The following PDE4B variants were observed in gnomAD, a reference collection of about 807,000 sequenced individuals.
The protein encoded by PDE4B is 3',5'-cyclic-AMP phosphodiesterase 4B.
Under a neutral mutation model 82.2 loss-of-function variants are expected in PDE4B, and 20 were observed. The ratio of observed to expected loss-of-function variants is 0.24; its 90% CI spans 0.17 to 0.35. The LOEUF (loss-of-function observed/expected upper bound fraction) is 0.35. PDE4B is among the 10% of genes least tolerant of loss of function. PDE4B has a pLI of 1.00. For synonymous variants in PDE4B, 320 were observed against 318.9 expected, an observed-to-expected ratio of 1.00 and a Z score of -0.04; for missense variants, 655 against 907.2, an observed-to-expected ratio of 0.72 and a Z score of 3.57.
rs562215442 is a variant in PDE4B, at chr1:66,274,306, A to G, written c.634+8219A>G. ...CTCCCAAGTAGCTGGGATTACAGGTATGCGTCACAACACCCAGCTAATTTT... is the reference window on the plus strand; with the variant it reads ...CTCCCAAGTAGCTGGGATTACAGGTGTGCGTCACAACACCCAGCTAATTTT... On this transcript the variant is annotated intron_variant, in intron 7 of 16. Coordinates refer to ENST00000341517, the MANE Select transcript of PDE4B (RefSeq NM_002600.4). Among the ~76,000 whole-genome samples, 315 of 150,990 alleles carry G rather than the reference A, an allele frequency of 2.1e-3. 8 individuals carry two copies. The highest frequency in any genetic ancestry group is 2.6e-3 in the Non-Finnish European group (176 of 67,808).
In PDE4B at chr1:66,203,600, A is replaced by T. The variant is rs145329393; in HGVS notation, c.282-43860A>T. On this transcript the variant is annotated intron_variant, in intron 3 of 16. Transcript: ENST00000341517. The stretch of plus-strand genomic sequence containing the variant: ...CTTCTTGCTTCGTTTCATTCATTTC[A>T]TCTTCCATCACTGATACCCTTTCTT... Among the ~76,000 whole-genome samples, 5 of 151,760 alleles carry T rather than the reference A, an allele frequency of 3.3e-5. No homozygotes were observed. In the East Asian group the frequency reaches 9.7e-4, roughly 29 times the overall value.
At chr1:66,350,319 C>G (rs952633990) in intron 8 of PDE4B, among the ~76,000 whole-genome samples, 2 of 152,132 alleles carry the variant, frequency 1.3e-5, no homozygotes, top group East Asian at 3.9e-4. Context: ...TGGGCTCCTG[C>G]GTAGACGGCC....
intron 3 of PDE4B, among the ~76,000 whole-genome samples, chr1:65,990,778 C>T (rs369684944): frequency 6.6e-6 from 1 of 152,164 alleles, no homozygotes; most frequent in African/African-American, 2.4e-5. Context: ...CTTAAATTCT[C>T]TAGCTCTGTT....
At chr1:65,804,245 G>A (rs1645728537) in intron 1 of PDE4B, among the ~76,000 whole-genome samples, 1 of 152,148 alleles carries the variant, frequency 6.6e-6, no homozygotes, top group Admixed American at 6.6e-5. Context: ...TAAGTACAAG[G>A]AAGGAAGCTT....
Position 66,306,251 on chromosome 1 carries a change from T to C in PDE4B, c.635-26257T>C, listed in dbSNP as rs538432019. Among the ~76,000 whole-genome samples the C allele has an allele frequency of 5.9e-5, 9 of 152,244 alleles. No homozygotes were observed. In the South Asian group the frequency reaches 1.5e-3, roughly 25 times the overall value. On this transcript the variant is annotated intron_variant, in intron 7 of 16. Coordinates refer to ENST00000341517, the MANE Select transcript of PDE4B (RefSeq NM_002600.4). ...AAGGGATTTTATTTGTTGTCTTTATTTGATACCTTTGAAAACTTGTGGACG... is the reference window on the plus strand; with the variant it reads ...AAGGGATTTTATTTGTTGTCTTTATCTGATACCTTTGAAAACTTGTGGACG...
At chr1:66,242,554 G>A (rs567052713) in intron 3 of PDE4B, among the ~76,000 whole-genome samples, 2 of 152,180 alleles carry the variant, frequency 1.3e-5, no homozygotes, top group Admixed American at 6.5e-5. Flanking sequence ...CTAGGATGTT[G>A]CTTCATGAGT....
chr1:65,881,954 G>A (rs1169056438), intron 1 of PDE4B, among the ~76,000 whole-genome samples: 2 of 152,120 alleles, frequency 1.3e-5, no homozygotes, highest in African/African-American at 2.4e-5. Context: ...GTGCTTTCCT[G>A]AGAATTTGTT....
chr1:66,008,338 T>C (rs1211470953), intron 3 of PDE4B, among the ~76,000 whole-genome samples: 9 of 152,104 alleles, frequency 5.9e-5, no homozygotes, highest in African/African-American at 2.2e-4. Context: ...ATTCATTCAT[T>C]AGCATTGTCA....
At chr1:66,078,781 C>A (rs1459493037) in intron 3 of PDE4B, among the ~76,000 whole-genome samples, 1 of 152,076 alleles carries the variant, frequency 6.6e-6, no homozygotes, top group African/African-American at 2.4e-5. Context: ...CACAGCCTAG[C>A]ACAAAACCTC....
chr1:65,871,297 A>T (rs1344667917), intron 1 of PDE4B, among the ~76,000 whole-genome samples: 2 of 149,932 alleles, frequency 1.3e-5, no homozygotes, highest in Non-Finnish European at 1.5e-5. Flanking sequence ...TAAGATGTAA[A>T]CTTTTCCCAT....
chr1:66,026,877 G>A (rs773539013), intron 3 of PDE4B, among the ~76,000 whole-genome samples: 1 of 152,140 alleles, frequency 6.6e-6, no homozygotes, highest in Non-Finnish European at 1.5e-5. Flanking sequence ...GGGTGTGTGC[G>A]TCACCTTGCA....
At chr1:66,004,337 T>C (rs1286201830) in intron 3 of PDE4B, among the ~76,000 whole-genome samples, 7 of 152,166 alleles carry the variant, frequency 4.6e-5, no homozygotes, top group South Asian at 4.1e-4. Flanking sequence ...TGAGCAAATG[T>C]GGTGCATCTT....
intron 3 of PDE4B, among the ~76,000 whole-genome samples, chr1:66,243,419 A>C (rs181983979): frequency 6.6e-6 from 1 of 152,338 alleles, no homozygotes; most frequent in East Asian, 1.9e-4. Context: ...ACTTAGTAAT[A>C]CTGAGTCCCT....
intron 3 of PDE4B, among the ~76,000 whole-genome samples, chr1:66,150,451 T>C (rs1198468560): frequency 6.6e-6 from 1 of 152,276 alleles, no homozygotes. Flanking sequence ...TCCTTAGGAT[T>C]TTCTATTTAC....
At chr1:66,213,946 A>T (rs540453055) in intron 3 of PDE4B, among the ~76,000 whole-genome samples, 4 of 152,278 alleles carry the variant, frequency 2.6e-5, no homozygotes, top group African/African-American at 7.2e-5. Context: ...AATTAGCATG[A>T]CCAAACGCTT....
intron 1 of PDE4B, among the ~76,000 whole-genome samples, chr1:65,909,793 A>AT: frequency 6.6e-6 from 1 of 152,294 alleles, no homozygotes; most frequent in African/African-American, 2.4e-5. Flanking sequence ...CACTTACAAC[A>AT]TTTGCCTTAA....
At chr1:65,853,570 G>C (rs773700188) in intron 1 of PDE4B, among the ~76,000 whole-genome samples, 2 of 147,760 alleles carry the variant, frequency 1.4e-5, no homozygotes, top group African/African-American at 5.0e-5. Flanking sequence ...TCACTCTGTC[G>C]CCAGGCTAGA....
intron 16 of PDE4B, among the ~76,000 whole-genome samples, chr1:66,370,638 A>G (rs531414749): frequency 3.9e-5 from 6 of 152,324 alleles, no homozygotes; most frequent in Admixed American, 1.3e-4. Context: ...TGCTCTCAGG[A>G]TTCATACAGC....
At chr1:66,021,846 A>G (rs4425958) in intron 3 of PDE4B, among the ~76,000 whole-genome samples, 135,474 of 152,022 alleles carry the variant, frequency 0.89, 60,847 homozygotes, top group Non-Finnish European at 0.94. Flanking sequence ...CAATTCTGTG[A>G]AGAAAGTCAT....
Sources: gnomAD v4.1 joint callset for allele counts (sites outside exome capture counted in the v4.1 genomes callset) on GRCh38, gnomAD v4.1.1 for gene constraint, MANE v1.5 for transcripts, NCBI Gene and HGNC (gene_info 2026-07-23, HGNC 2026-07-21) for gene names.